Variants in FBXO25 observed in about 807,000 individuals in gnomAD.
FBXO25 encodes the protein F-box only protein 25.
A neutral mutation model predicts 51.9 loss-of-function variants in FBXO25; 45 were observed. The ratio of observed to expected loss-of-function variants is 0.87; its 90% CI spans 0.68 to 1.11. The LOEUF is 1.11. Among genes scored for constraint, FBXO25 ranks in the 50% most tolerant of loss-of-function variants. The pLI, the probability that FBXO25 is intolerant of heterozygous loss-of-function variation, is 0.00. For synonymous variants in FBXO25, 199 were observed against 151.0 expected (o/e 1.32, Z -2.33); for missense variants, 507 against 428.5 (o/e 1.18, Z -1.62).
intron 5 of FBXO25, among the ~76,000 whole-genome samples, chr8:441,406 T>TA (rs1312008732): frequency 1.3e-5 from 2 of 152,154 alleles, no homozygotes; most frequent in African/African-American, 4.8e-5. Flanking sequence ...CCTAAAACCA[T>TA]AAAAACCCTA....
rs75676857 is a variant in FBXO25, at chr8:458,691, T to C, written c.843+140T>C. 2.1e-3 allele frequency: 1,600 copies of C among 779,358 alleles called. 24 individuals carry two copies. The African/African-American group carries it at 0.025, about 12-fold the overall frequency. The allele number at this position is 779,358 out of a possible 1,614,324, so 48.3% of individuals were successfully genotyped here. A position where few individuals can be genotyped will look rare whatever the true frequency, so the allele number is the denominator to read the frequency against. On this transcript the variant is annotated intron_variant, in intron 8 of 9. Transcript: ENST00000350302. ...AAGAACCAGGAACAATCAGAGTTTA[T>C]TGAGATTGCTGTGGGTTCTCTCCTA...
rs1309174454 is a variant in FBXO25, at chr8:470,515, G to C, written c.*1711G>C. 6.6e-6 allele frequency: 1 copy of C among 151,964 alleles called. No individual in the cohort carries two copies. The highest frequency in any genetic ancestry group is 1.9e-4 in the East Asian group (1 of 5,148). The allele number at this position is 151,964 out of a possible 1,614,324, so 9.4% of individuals were successfully genotyped here. A position where few individuals can be genotyped will look rare whatever the true frequency, so the allele number is the denominator to read the frequency against. ...CCACCTCAGCCTCCCAAGCAGTCAG[G>C]ACCACAGGCATATACCACCATGCTC... On this transcript the variant is annotated 3_prime_UTR_variant, in exon 10 of 10. Coordinates refer to ENST00000350302, the MANE Select transcript of FBXO25 (RefSeq NM_183420.2).
chr8:462,562 A>G lies in FBXO25; in HGVS notation c.844-445A>G, dbSNP rs79840380. On this transcript the variant is annotated intron_variant, in intron 8 of 9. Coordinates refer to ENST00000350302, the MANE Select transcript of FBXO25 (RefSeq NM_183420.2). Reference sequence around the variant, plus strand: ...AACCCAAGTGAGTTTAATTTCAAATAATTGTTTTATGTACTACACTGCCTT... The same window carrying G: ...AACCCAAGTGAGTTTAATTTCAAATGATTGTTTTATGTACTACACTGCCTT... Among the ~76,000 whole-genome samples, 36 of 152,336 alleles carry G rather than the reference A, an allele frequency of 2.4e-4. 1 individual carries two copies. In the East Asian group the frequency reaches 6.7e-3, roughly 29 times the overall value.
intron 1 of FBXO25, among the ~76,000 whole-genome samples, chr8:408,417 G>A (rs868662364): frequency 6.6e-6 from 1 of 152,172 alleles, no homozygotes; most frequent in South Asian, 2.1e-4. Flanking sequence ...GTGGTTAGGA[G>A]CATGGATCCT....
rs775424356 is a variant in FBXO25 at position 431,345 on chromosome 8, T to C, written c.139T>C (p.Leu47=). ...TAGAATGTGTCTTTATTTCAGTATCTTAAATAGTGAAGATGGAGAAATATT... is the reference window on the plus strand; with the variant it reads ...TAGAATGTGTCTTTATTTCAGTATCCTAAATAGTGAAGATGGAGAAATATT... The part of the protein sequence containing the change: ...NRCNISHSII[L]NSEDGEIFNN... The change falls in exon 3 of 10, where the codon TTA becomes CTA. Residue 47 remains leucine (L), a synonymous_variant. Coordinates refer to ENST00000350302, the MANE Select transcript of FBXO25 (RefSeq NM_183420.2). The C allele has an allele frequency of 6.8e-7, 1 of 1,465,850 alleles. No individual in the cohort carries two copies. Among genetic ancestry groups the C allele is most frequent in the Non-Finnish European group, 9.3e-7 (1 of 1,076,710 alleles). 90.8% of individuals were successfully genotyped at this position (1,465,850 alleles called of 1,614,324 possible).
intron 1 of FBXO25, 28 bp from the exon 2 acceptor site, chr8:413,045 T>G: frequency 6.8e-7 from 1 of 1,464,854 alleles, no homozygotes; most frequent in South Asian, 1.5e-5. Context: ...TTATATATAC[T>G]TTTTAACATA....
At chr8:461,231 G>C (rs951060654) in intron 8 of FBXO25, among the ~76,000 whole-genome samples, 2 of 152,204 alleles carry the variant, frequency 1.3e-5, no homozygotes, top group African/African-American at 4.8e-5. Context: ...ACTTTATGCA[G>C]CCATCACTAC....
chr8:422,618 C>T (rs1563067417), intron 2 of FBXO25, among the ~76,000 whole-genome samples: 1 of 152,208 alleles, frequency 6.6e-6, no homozygotes, highest in Non-Finnish European at 1.5e-5. Context: ...CTTGGGGACA[C>T]TGTGTGTTCT....
chr8:429,785 C>A (rs1022478355), intron 2 of FBXO25, among the ~76,000 whole-genome samples: 1 of 152,238 alleles, frequency 6.6e-6, no homozygotes, highest in Admixed American at 6.5e-5. Context: ...GTTCTCTGAG[C>A]CCTACCACTG....
Position 468,808 on chromosome 8 carries a change from C to T in FBXO25, c.*4C>T, listed in dbSNP as rs1207835120. 5 of 1,613,350 alleles carry T rather than the reference C, an allele frequency of 3.1e-6. No individual in the cohort carries two copies. The highest frequency in any genetic ancestry group is 4.2e-6 in the Non-Finnish European group (5 of 1,179,678). ...CATCGACCTCTTCAAGTTTTAAGGG[C>T]TGCCCCTGCCATCCCTATTGGAGAT... On this transcript the variant is annotated 3_prime_UTR_variant, in exon 10 of 10. Coordinates refer to ENST00000350302, the MANE Select transcript of FBXO25 (RefSeq NM_183420.2).
At chr8:413,586 C>A (rs377765940) in intron 2 of FBXO25, among the ~76,000 whole-genome samples, 1 of 152,120 alleles carries the variant, frequency 6.6e-6, no homozygotes, top group Non-Finnish European at 1.5e-5. Flanking sequence ...CCCTTGAAAG[C>A]CTGAGTTGGC....
At chr8:411,558 T>G (rs1010023539) in intron 1 of FBXO25, among the ~76,000 whole-genome samples, 1 of 152,226 alleles carries the variant, frequency 6.6e-6, no homozygotes, top group Admixed American at 6.5e-5. Context: ...CATGGATGTA[T>G]ATATTTATTC....
rs1184721771 is a variant in FBXO25, at chr8:476,713, T to C, written c.*7909T>C. 2.0e-5 allele frequency: 3 copies of C among 152,296 alleles called. No homozygotes were observed. The highest frequency in any genetic ancestry group is 3.4e-3 in the Middle Eastern group (1 of 294). 9.4% of individuals were successfully genotyped at this position (152,296 alleles called of 1,614,324 possible). A position where few individuals can be genotyped will look rare whatever the true frequency, so the allele number is the denominator to read the frequency against. The stretch of plus-strand genomic sequence containing the variant: ...TGTAATGTCTCCTCCTGGTTTTTAG[T>C]TGTTTTTCTTAGTCACTCTTAGCTA... On this transcript the variant is annotated 3_prime_UTR_variant, in exon 10 of 10. Transcript: ENST00000350302.
chr8:451,351 A>G lies in FBXO25; in HGVS notation c.558A>G (p.Gly186=). Reference sequence around the variant, plus strand: ...CTACCCTCTGCATTCTTATTAGAGGAGTAGGGAAGTCTGTATTAGTGGGAA... The same window carrying G: ...CTACCCTCTGCATTCTTATTAGAGGGGTAGGGAAGTCTGTATTAGTGGGAA... ...LSSTLCILIR[G]VGKSVLVGNI... The change falls in exon 7 of 10, where the codon GGA becomes GGG. Residue 186 remains glycine, a synonymous_variant. Transcript: ENST00000350302. The G allele has an allele frequency of 2.5e-6, 4 of 1,613,762 alleles. No homozygotes were observed. The highest frequency in any genetic ancestry group is 3.4e-6 in the Non-Finnish European group (4 of 1,179,752).
intron 5 of FBXO25, among the ~76,000 whole-genome samples, chr8:441,456 G>T (rs1209956963): frequency 7.9e-5 from 12 of 152,126 alleles, no homozygotes; most frequent in Non-Finnish European, 1.6e-4. Flanking sequence ...CATAGGCATG[G>T]GCAAAGACTT....
intron 5 of FBXO25, among the ~76,000 whole-genome samples, chr8:439,898 T>G (rs1286860199): frequency 6.6e-6 from 1 of 152,242 alleles, no homozygotes. Flanking sequence ...GGAGACCCTG[T>G]TTTTACAAAT....
intron 9 of FBXO25, 25 bp from the exon 10 acceptor site, chr8:468,690 C>A (rs200012232): frequency 1.2e-6 from 2 of 1,607,892 alleles, no homozygotes; most frequent in Non-Finnish European, 1.7e-6. Context: ...GGGCCCCCTC[C>A]TAACCATCTC....
chr8:456,258 G>T (rs1799422649), intron 7 of FBXO25, among the ~76,000 whole-genome samples: 1 of 152,164 alleles, frequency 6.6e-6, no homozygotes, highest in South Asian at 2.1e-4. Flanking sequence ...TGCCCAGGCT[G>T]GAGTGCAGTG....
chr8:446,417 T>A (rs1334650672), intron 5 of FBXO25, among the ~76,000 whole-genome samples: 3 of 152,358 alleles, frequency 2.0e-5, no homozygotes, highest in Middle Eastern at 3.4e-3. Flanking sequence ...GAGGCTTTGG[T>A]TATTAAGCAG....
Sources: gnomAD v4.1 joint callset for allele counts (sites outside exome capture counted in the v4.1 genomes callset) on GRCh38, gnomAD v4.1.1 for gene constraint, MANE v1.5 for transcripts, NCBI Gene and HGNC (gene_info 2026-07-23, HGNC 2026-07-21) for gene names.